The following AMHR2 variants were observed in gnomAD, a reference collection of about 807,000 sequenced individuals.
AMHR2 encodes the protein anti-Muellerian hormone type-2 receptor.
A neutral mutation model predicts 61.4 loss-of-function variants in AMHR2; 36 were observed. The ratio of observed to expected loss-of-function variants is 0.59; its 90% CI spans 0.45 to 0.77. The LOEUF (loss-of-function observed/expected upper bound fraction) is 0.77. Ranked by LOEUF, AMHR2 falls within the 30% of genes least tolerant of loss-of-function variation. The pLI is 0.00. For synonymous variants in AMHR2, 258 were observed against 279.4 expected (o/e 0.92, Z 0.76); for missense variants, 638 against 714.6 (o/e 0.89, Z 1.22).
chr12:53,430,342 A>AAGGAC, intron 10 of AMHR2, 60 bp downstream of exon 10: 2 of 1,612,998 alleles, frequency 1.2e-6, no homozygotes. Flanking sequence ...CATGGGCTTC[A>AAGGAC]AGGACGTCTC....
chr12:53,430,814 C>T, intron 10 of AMHR2: 1 of 404,100 alleles, frequency 2.5e-6, no homozygotes. Context: ...CCCTTCTGTA[C>T]CTGATCTGAA....
At chr12:53,430,641 A>G in intron 10 of AMHR2, 1 of 409,608 alleles carries the variant, frequency 2.4e-6, no homozygotes, top group Non-Finnish European at 4.6e-6. Context: ...CTCTCCTAAT[A>G]CAGTAAAGCC....
intron 7 of AMHR2, 67 bp from the exon 8 acceptor site, chr12:53,429,386 C>T (rs576137096): frequency 7.5e-5 from 113 of 1,512,496 alleles, no homozygotes; most frequent in African/African-American, 2.3e-4. Context: ...AGCGAGACGC[C>T]GACTCAAAAA....
chr12:53,425,287 C>T (rs1489173314), intron 4 of AMHR2, 45 bp downstream of exon 4: 1 of 1,610,586 alleles, frequency 6.2e-7, no homozygotes, highest in Non-Finnish European at 8.5e-7. Context: ...AAGACATTGC[C>T]CCAAAAGCTC....
intron 8 of AMHR2, 54 bp from the exon 9 acceptor site, chr12:53,429,777 G>T: frequency 1.9e-6 from 3 of 1,612,674 alleles, no homozygotes; most frequent in African/African-American, 1.3e-5. Context: ...GACCATTGCT[G>T]CAATGAGGAT....
intron 10 of AMHR2, chr12:53,430,785 T>C (rs1565840755): frequency 8.3e-6 from 3 of 362,858 alleles, no homozygotes; most frequent in East Asian, 6.1e-5. Flanking sequence ...TTTGCACAAA[T>C]ACTTTTTTAA....
intron 8 of AMHR2, 42 bp from the exon 9 acceptor site, chr12:53,429,788 TG>T: frequency 6.2e-7 from 1 of 1,613,774 alleles, no homozygotes; most frequent in East Asian, 2.2e-5. Context: ...CAATGAGGAT[TG>T]CCACAGAGAT....
chr12:53,426,864 G>A (rs1939643527), intron 6 of AMHR2, among the ~76,000 whole-genome samples: 2 of 150,790 alleles, frequency 1.3e-5, no homozygotes, highest in African/African-American at 4.9e-5. Context: ...TGCATTTTTA[G>A]TAGAGACGGG....
rs374943863 is a variant in AMHR2, at chr12:53,424,335, C to T, written c.97C>T (p.Arg33Trp). 4.5e-5 allele frequency: 73 copies of T among 1,612,964 alleles called. No individual in the cohort carries two copies. In the Admixed American group the frequency reaches 8.2e-4, roughly 18 times the overall value. ...TCVFFEAPGV[R>W]GSTKTLGELL... ...TGTGTTCTTTGAGGCCCCTGGAGTGCGGGGAAGCACAAAGACACTGGGAGA... is the reference window on the plus strand; with the variant it reads ...TGTGTTCTTTGAGGCCCCTGGAGTGTGGGGAAGCACAAAGACACTGGGAGA... The change falls in exon 2 of 11, where the codon CGG (arginine) becomes TGG (tryptophan). Residue 33 changes from arginine to tryptophan, a missense_variant. Transcript: ENST00000257863.
At chr12:53,426,671 G>A (rs959877748) in intron 6 of AMHR2, among the ~76,000 whole-genome samples, 93 of 151,502 alleles carry the variant, frequency 6.1e-4, no homozygotes, top group African/African-American at 2.1e-3. Flanking sequence ...AACAATACAT[G>A]TTTATATATT....
Position 53,424,119 on chromosome 12 carries a change from C to A in AMHR2, c.49+136C>A, listed in dbSNP as rs181656377. 6.4e-5 allele frequency: 84 copies of A among 1,320,942 alleles called. No individual in the cohort carries two copies. In the African/African-American group the frequency reaches 1.2e-3, roughly 18 times the overall value. The allele number at this position is 1,320,942 out of a possible 1,614,324, so 81.8% of individuals were successfully genotyped here. On this transcript the variant is annotated intron_variant, in intron 1 of 10. Coordinates refer to ENST00000257863, the MANE Select transcript of AMHR2 (RefSeq NM_020547.3). ...AGGGTGAAGGATAGAGCCATGTGTCCCCATGGCAGGGCTCAGGTTCCAGGC... is the reference window on the plus strand; with the variant it reads ...AGGGTGAAGGATAGAGCCATGTGTCACCATGGCAGGGCTCAGGTTCCAGGC...
intron 1 of AMHR2, 99 bp downstream of exon 1, chr12:53,424,082 G>T (rs1565828979): frequency 1.4e-6 from 2 of 1,459,298 alleles, no homozygotes; most frequent in East Asian, 2.3e-5. Flanking sequence ...TGGTGAGTGG[G>T]CTGGGTGAGT....
chr12:53,431,054 C>G, intron 10 of AMHR2, 123 bp from the exon 11 acceptor site: 4 of 1,249,480 alleles, frequency 3.2e-6, no homozygotes, highest in South Asian at 2.5e-5. Context: ...AGGAGGGAGG[C>G]TCCAGGAAAG....
rs1428952669 is a variant in AMHR2 at position 53,431,254 on chromosome 12, A to G, written c.1503A>G (p.Val501=). The stretch of plus-strand genomic sequence containing the variant: ...AAGCACGGCTGACAGCTGAGTGTGT[A>G]CAGCAGCGCCTGGCTGCCTTGGCCC... ...DPEARLTAEC[V]QQRLAALAHP... is the part of the protein sequence containing the mutation. Residue 501 remains valine, a synonymous_variant, in exon 11 of 11, where the codon GTA becomes GTG. Transcript: ENST00000257863. 3.1e-6 allele frequency: 5 copies of G among 1,614,104 alleles called. No homozygotes were observed. The African/African-American group carries it at 6.7e-5, about 22-fold the overall frequency.
Position 53,429,961 on chromosome 12 carries a change from G to A in AMHR2, c.1271G>A (p.Cys424Tyr). The A allele has an allele frequency of 1.2e-6, 2 of 1,614,204 alleles. No homozygotes were observed. Among genetic ancestry groups the A allele is most frequent in the Non-Finnish European group, 1.7e-6 (2 of 1,180,038 alleles). ...ALLLWEILSR[C>Y]PDLRPDSSPP... is the part of the protein sequence containing the mutation. ...CTCCTGTGGGAGATACTGAGCCGCTGCCCAGATTTGAGGCCTGGTAAGGAT... is the reference window on the plus strand; with the variant it reads ...CTCCTGTGGGAGATACTGAGCCGCTACCCAGATTTGAGGCCTGGTAAGGAT... The change falls in exon 9 of 11, where the codon TGC (cysteine) becomes TAC (tyrosine). Residue 424 changes from cysteine to tyrosine, a missense_variant. Coordinates refer to ENST00000257863, the MANE Select transcript of AMHR2 (RefSeq NM_020547.3).
chr12:53,430,244 C>T lies in AMHR2; in HGVS notation c.1387C>T (p.Arg463Cys), dbSNP rs374247138. ...LWALAVQERRRPYIPSTWRCF... is the reference protein window; with the variant it reads ...LWALAVQERRCPYIPSTWRCF... ...GGCCTTGGCAGTGCAGGAGAGGAGG[C>T]GTCCCTACATCCCATCCACCTGGCG... Residue 463 changes from arginine to cysteine, a missense_variant, in exon 10 of 11, where the codon CGT (arginine) becomes TGT (cysteine). Arg to Cys is a radical substitution (Grantham distance 180, BLOSUM62 -3). Transcript: ENST00000257863. The T allele has an allele frequency of 1.4e-5, 22 of 1,614,052 alleles. No individual in the cohort carries two copies. The Admixed American group carries it at 1.5e-4, about 11-fold the overall frequency.
chr12:53,424,587 C>A, intron 2 of AMHR2, 117 bp downstream of exon 2: 1 of 1,536,940 alleles, frequency 6.5e-7, no homozygotes, highest in Non-Finnish European at 8.9e-7. Flanking sequence ...GAAAGAAAAG[C>A]CCATGAGAGC....
In AMHR2 at chr12:53,425,467, G is replaced by A. The variant is rs1182853719; in HGVS notation, c.515G>A (p.Arg172Gln). The A allele has an allele frequency of 6.2e-6, 10 of 1,613,926 alleles. No individual in the cohort carries two copies. The highest frequency in any genetic ancestry group is 4.5e-5 in the East Asian group (2 of 44,884). The change falls in exon 5 of 11, where the codon CGA (arginine) becomes CAA (glutamine). Residue 172 changes from arginine to glutamine, a missense_variant. By Grantham distance (43) the Arg-to-Gln change is conservative. Coordinates refer to ENST00000257863, the MANE Select transcript of AMHR2 (RefSeq NM_020547.3). ...LGSIILALLQ[R>Q]KNYRVRGEPV... Reference sequence around the variant, plus strand: ...TTGTCTGTTCCAGCCCTGCTACAGCGAAAGAACTACAGAGTGCGAGGTGAG... The same window carrying A: ...TTGTCTGTTCCAGCCCTGCTACAGCAAAAGAACTACAGAGTGCGAGGTGAG...
chr12:53,428,009 C>T (rs1290230766), intron 6 of AMHR2, among the ~76,000 whole-genome samples: 1 of 152,234 alleles, frequency 6.6e-6, no homozygotes, highest in Non-Finnish European at 1.5e-5. Flanking sequence ...TCAGCACCTA[C>T]AGCTTCTGTA....
Sources: gnomAD v4.1 joint callset for allele counts (sites outside exome capture counted in the v4.1 genomes callset) on GRCh38, gnomAD v4.1.1 for gene constraint, MANE v1.5 for transcripts, NCBI Gene and HGNC (gene_info 2026-07-23, HGNC 2026-07-21) for gene names.